UGGT2: variants seen among roughly 807,000 people sequenced by gnomAD.
The protein encoded by UGGT2 is UDP-glucose glycoprotein glucosyltransferase 2, also known as UDP-glucose:glycoprotein glucosyltransferase 2.
UGGT2 carries 180 observed loss-of-function variants against 192.1 expected under a neutral mutation model. The ratio of observed to expected loss-of-function variants is 0.94; its 90% CI spans 0.83 to 1.06. The LOEUF is 1.06. UGGT2 is among the 50% of genes least tolerant of loss of function. The pLI is 0.00. For synonymous variants in UGGT2, 580 were observed against 591.0 expected (o/e 0.98, Z 0.27); for missense variants, 1,849 against 1,795.7 (o/e 1.03, Z -0.54).
At chr13:96,025,091 A>T (rs949930661) in intron 2 of UGGT2, among the ~76,000 whole-genome samples, 2 of 152,158 alleles carry the variant, frequency 1.3e-5, no homozygotes, top group African/African-American at 4.8e-5. Flanking sequence ...CTTTTGTTAT[A>T]TGTAATAAAG....
At chr13:95,972,255 T>A (rs1198836554) in intron 11 of UGGT2, among the ~76,000 whole-genome samples, 1 of 152,198 alleles carries the variant, frequency 6.6e-6, no homozygotes, top group African/African-American at 2.4e-5. Context: ...ACTTCAGTCC[T>A]TATCTGGTAT....
chr13:95,879,937 A>G (rs79734852), intron 27 of UGGT2, among the ~76,000 whole-genome samples: 14,441 of 152,200 alleles, frequency 0.095, 931 homozygotes, highest in Non-Finnish European at 0.13. Context: ...ACATGTGCAG[A>G]ATGAGCAGGT....
chr13:95,840,746 G>A (rs548588032), intron 36 of UGGT2, among the ~76,000 whole-genome samples: 38 of 152,230 alleles, frequency 2.5e-4, no homozygotes, highest in Admixed American at 8.5e-4. Flanking sequence ...AAAGACACAC[G>A]CACATGTATG....
In UGGT2 at chr13:96,013,411, GA is replaced by G. The variant is rs2052227528; in HGVS notation, c.555del (p.Leu186SerfsTer51). 1 of 1,608,974 alleles carries G rather than the reference GA, an allele frequency of 6.2e-7. No homozygotes were observed. The highest frequency in any genetic ancestry group is 8.5e-7 in the Non-Finnish European group (1 of 1,178,632). ...GTTCTAGTACCCATTTCGGCATAGA[GA>G]ATCACCACTGGTAAGTTCTCTTTGT... ...PTNKENLPVVILYAEMGTRTF... is the reference protein window; with the variant it reads ...PTNKENLPVVXLYAEMGTRTF... On this transcript the variant is annotated frameshift_variant, in exon 5 of 39. Transcript: ENST00000376747. LOFTEE classifies it high-confidence loss of function.
At chr13:95,801,973 T>C (rs1332798210) in intron 38 of UGGT2, among the ~76,000 whole-genome samples, 161 bp from the exon 39 acceptor site, 1 of 152,224 alleles carries the variant, frequency 6.6e-6, no homozygotes, top group Non-Finnish European at 1.5e-5. Flanking sequence ...AATAGCTCTT[T>C]GTACACTGTG....
At chr13:95,849,585 ATT>A (rs1228536161) in intron 36 of UGGT2, among the ~76,000 whole-genome samples, 1 of 151,374 alleles carries the variant, frequency 6.6e-6, no homozygotes, top group Non-Finnish European at 1.5e-5. Context: ...ATAGCATTTA[ATT>A]TTTTATAAAT....
intron 27 of UGGT2, among the ~76,000 whole-genome samples, chr13:95,881,419 T>C (rs1264481130): frequency 6.6e-6 from 1 of 152,258 alleles, no homozygotes; most frequent in Non-Finnish European, 1.5e-5. Flanking sequence ...TTCCCAAATT[T>C]TGTAAGTGTT....
chr13:95,819,962 A>G (rs973838070), intron 38 of UGGT2, among the ~76,000 whole-genome samples: 3 of 152,206 alleles, frequency 2.0e-5, no homozygotes, highest in African/African-American at 7.2e-5. Context: ...GTTTAAGACC[A>G]GCTTGACCTA....
Position 95,877,339 on chromosome 13 carries a change from G to C in UGGT2, c.3413C>G (p.Pro1138Arg). 2 of 1,605,718 alleles carry C rather than the reference G, an allele frequency of 1.2e-6. No homozygotes were observed. The highest frequency in any genetic ancestry group is 1.7e-6 in the Non-Finnish European group (2 of 1,177,168). Residue 1138 changes from proline (P) to arginine (R), a missense_variant, in exon 29 of 39, where the codon CCA becomes CGA. Physicochemically the swap from Pro to Arg is moderately radical, Grantham distance 103. Transcript: ENST00000376747. ...HHGYFQLKAN[P>R]GAWILRLHQG... ...GTGTAACCTCAGTATCCAAGCACCT[G>C]GGTTTGCTTTTAATTGAAAATACCC...
chr13:95,923,281 A>C (rs1417322773), intron 20 of UGGT2, among the ~76,000 whole-genome samples: 1 of 150,352 alleles, frequency 6.7e-6, no homozygotes, highest in Non-Finnish European at 1.5e-5. Context: ...CTGGGCTTGA[A>C]CTCCTGGCCT....
At chr13:95,846,622 T>C (rs1345250254) in intron 36 of UGGT2, among the ~76,000 whole-genome samples, 1 of 152,192 alleles carries the variant, frequency 6.6e-6, no homozygotes, top group Non-Finnish European at 1.5e-5. Flanking sequence ...TCTCTTCAAT[T>C]TTCTGGAAGA....
intron 30 of UGGT2, among the ~76,000 whole-genome samples, chr13:95,863,927 C>A (rs1402681982): frequency 6.6e-6 from 1 of 152,122 alleles, no homozygotes; most frequent in Admixed American, 6.5e-5. Flanking sequence ...TCAGTGGTTA[C>A]CTCCATATTG....
At chr13:96,041,157 C>A (rs927650271) in intron 1 of UGGT2, among the ~76,000 whole-genome samples, 4 of 152,144 alleles carry the variant, frequency 2.6e-5, no homozygotes, top group African/African-American at 9.7e-5. Flanking sequence ...GGGAGATACC[C>A]CAAATACTCT....
intron 2 of UGGT2, among the ~76,000 whole-genome samples, chr13:96,031,301 A>ATTTTTTTTTT (rs1173051316): frequency 6.6e-6 from 1 of 152,106 alleles, no homozygotes; most frequent in East Asian, 1.9e-4. Flanking sequence ...GGTAAAAAGA[A>ATTTTTTTTTT]AACTATCTTA....
intron 12 of UGGT2, among the ~76,000 whole-genome samples, chr13:95,959,613 A>G (rs569418975): frequency 1.2e-4 from 18 of 152,078 alleles, no homozygotes; most frequent in Non-Finnish European, 2.6e-4. Context: ...TGCCACTACC[A>G]TCACCTCAGG....
At chr13:95,849,427 C>T (rs1888795816) in intron 36 of UGGT2, among the ~76,000 whole-genome samples, 3 of 151,698 alleles carry the variant, frequency 2.0e-5, no homozygotes, top group Non-Finnish European at 4.4e-5. Flanking sequence ...CCTGTAGTCC[C>T]AGCTACTCAG....
At chr13:95,976,556 TC>T (rs913761489) in intron 10 of UGGT2, among the ~76,000 whole-genome samples, 4 of 152,162 alleles carry the variant, frequency 2.6e-5, no homozygotes, top group Non-Finnish European at 5.9e-5. Context: ...GCACAAGGGT[TC>T]CCCTTTCTCT....
chr13:95,934,815 CTTT>C (rs2049406332), intron 17 of UGGT2, among the ~76,000 whole-genome samples: 1 of 152,082 alleles, frequency 6.6e-6, no homozygotes, highest in South Asian at 2.1e-4. Context: ...GGCCTAAATT[CTTT>C]TTTATTTTTG....
At chr13:95,837,059 C>T in intron 37 of UGGT2, 27 bp downstream of exon 37, 4 of 1,466,426 alleles carry the variant, frequency 2.7e-6, no homozygotes, top group Non-Finnish European at 3.8e-6. Flanking sequence ...TATCTGCTTA[C>T]ATACAAATGA....
Sources: gnomAD v4.1 joint callset for allele counts (sites outside exome capture counted in the v4.1 genomes callset) on GRCh38, gnomAD v4.1.1 for gene constraint, MANE v1.5 for transcripts, NCBI Gene and HGNC (gene_info 2026-07-23, HGNC 2026-07-21) for gene names.